SLC14A2: variants seen among roughly 807,000 people sequenced by gnomAD.
SLC14A2 encodes the protein solute carrier family 14 member 2.
In SLC14A2, 91 loss-of-function variants were observed where a neutral mutation model predicts 104.6. The ratio of observed to expected loss-of-function variants is 0.87; its 90% CI spans 0.73 to 1.04. The LOEUF is 1.04. Among genes scored for constraint, SLC14A2 ranks in the 50% least tolerant of loss-of-function variants. The pLI is 0.00. For missense variants in SLC14A2, 1,189 were observed against 1,156.0 expected (o/e 1.03, Z -0.41); for synonymous variants, 476 against 466.4 (o/e 1.02, Z -0.27).
chr18:45,545,226 T>G (rs2043951948), intron 2 of SLC14A2, among the ~76,000 whole-genome samples: 1 of 152,232 alleles, frequency 6.6e-6, no homozygotes, highest in African/African-American at 2.4e-5. Context: ...ATAAATAATA[T>G]TTTAGAATTA....
intron 4 of SLC14A2, among the ~76,000 whole-genome samples, chr18:45,628,000 CAA>C (rs58009345): frequency 0.017 from 1,440 of 83,586 alleles, 25 homozygotes; most frequent in African/African-American, 0.059. Context: ...AAGACTTTCT[CAA>C]AAAAAAAAAA....
chr18:45,404,021 T>C (rs1474320646), intron 1 of SLC14A2, among the ~76,000 whole-genome samples: 1 of 152,246 alleles, frequency 6.6e-6, no homozygotes. Flanking sequence ...TTTGTGTCTT[T>C]TATCACACTG....
intron 1 of SLC14A2, among the ~76,000 whole-genome samples, chr18:45,261,759 A>C (rs1227204816): frequency 6.6e-6 from 1 of 152,190 alleles, no homozygotes; most frequent in Non-Finnish European, 1.5e-5. Flanking sequence ...ATGGCTGCAT[A>C]GTATTCCATT....
intron 2 of SLC14A2, among the ~76,000 whole-genome samples, chr18:45,517,382 C>A (rs943250503): frequency 6.6e-6 from 1 of 152,174 alleles, no homozygotes; most frequent in African/African-American, 2.4e-5. Context: ...TCAGCCTCCC[C>A]CCTCCCAATA....
chr18:45,499,222 A>G (rs1421206), intron 2 of SLC14A2, among the ~76,000 whole-genome samples: 32,441 of 152,136 alleles, frequency 0.21, 4,260 homozygotes, highest in African/African-American at 0.37. Flanking sequence ...ATGTCATTTT[A>G]TTGATACATA....
intron 1 of SLC14A2, among the ~76,000 whole-genome samples, chr18:45,440,816 T>C (rs1568205277): frequency 6.6e-6 from 1 of 152,172 alleles, no homozygotes; most frequent in Non-Finnish European, 1.5e-5. Flanking sequence ...GCTGTTGCTA[T>C]TGTCACTTAA....
intron 19 of SLC14A2, 56 bp from the exon 20 acceptor site, chr18:45,682,263 T>G: frequency 1.3e-6 from 2 of 1,528,114 alleles, no homozygotes; most frequent in African/African-American, 1.4e-5. Context: ...TAAGGGCTGA[T>G]TAAAATGCAC....
intron 1 of SLC14A2, among the ~76,000 whole-genome samples, chr18:45,246,810 A>G (rs1396363267): frequency 6.6e-6 from 1 of 152,114 alleles, no homozygotes. Context: ...GGAGTTCGAG[A>G]CCAGCCTGGC....
At position 45,682,794 on chromosome 18, in the gene SLC14A2, T is replaced by A. The variant is rs1599179689; in HGVS notation, c.*275T>A. On this transcript the variant is annotated 3_prime_UTR_variant, in exon 20 of 20. Transcript: ENST00000255226. ...GCCCTCTTCTGCGAAATAAGCCTCA[T>A]CCTTAAAGAGAAGTCACCGGCCGGG... 1 of 385,456 alleles carries A rather than the reference T, an allele frequency of 2.6e-6. No homozygotes were observed. The highest frequency in any genetic ancestry group is 5.4e-5 in the East Asian group (1 of 18,648). 23.9% of individuals were successfully genotyped at this position (385,456 alleles called of 1,614,324 possible).
chr18:45,330,457 G>A (rs562383522), intron 1 of SLC14A2, among the ~76,000 whole-genome samples: 36 of 152,346 alleles, frequency 2.4e-4, no homozygotes, highest in African/African-American at 8.7e-4. Context: ...TTGTGTGTAA[G>A]TGATGATGGT....
At chr18:45,508,952 A>G (rs2043325759) in intron 2 of SLC14A2, among the ~76,000 whole-genome samples, 1 of 152,208 alleles carries the variant, frequency 6.6e-6, no homozygotes. Context: ...TTCATGGATA[A>G]CAATGCCAGC....
At chr18:45,230,270 T>C (rs944238333) in intron 1 of SLC14A2, among the ~76,000 whole-genome samples, 3 of 152,196 alleles carry the variant, frequency 2.0e-5, no homozygotes, top group East Asian at 1.9e-4. Context: ...AAATGTATTA[T>C]TGTAAAGTCC....
chr18:45,503,744 G>T (rs1010189724), intron 2 of SLC14A2, among the ~76,000 whole-genome samples: 1 of 143,304 alleles, frequency 7.0e-6, no homozygotes, highest in Non-Finnish European at 1.6e-5. Context: ...TTTGCTAATG[G>T]CTTAAAAATA....
At position 45,426,730 on chromosome 18, in the gene SLC14A2, C is replaced by CACAT. The variant is rs1555685829; in HGVS notation, c.-124-56495_-124-56492dup. 5.9e-3 allele frequency among the ~76,000 whole-genome samples: 885 copies of CACAT among 150,064 alleles called. 12 individuals are homozygous for CACAT. The highest frequency in any genetic ancestry group is 0.021 in the African/African-American group (844 of 40,678). On this transcript the variant is annotated intron_variant, in intron 1 of 20. Transcript: ENST00000586448. ...ACACACACACACACACACACACACA[C>CACAT]ACATACATACACGCTTAATGGAAAA... is the stretch of plus-strand genomic sequence containing the variant.
rs563127931 is a variant in SLC14A2 at position 45,325,291 on chromosome 18, T to C, written c.-125+112100T>C. Reference sequence around the variant, plus strand: ...ACCAGAAACTTTCAGGATACACAGCTTCTGAGCTGGGGAAAATGGGCAGAT... The same window carrying C: ...ACCAGAAACTTTCAGGATACACAGCCTCTGAGCTGGGGAAAATGGGCAGAT... On this transcript the variant is annotated intron_variant, in intron 1 of 20. Coordinates refer to the SLC14A2 transcript ENST00000586448. Among the ~76,000 whole-genome samples, 3 of 152,310 alleles carry C rather than the reference T, an allele frequency of 2.0e-5. No individual in the cohort carries two copies. The South Asian group carries it at 6.2e-4, about 32-fold the overall frequency.
chr18:45,198,210 G>A, the SLC14A2 span, among the ~76,000 whole-genome samples: 2 of 152,110 alleles, frequency 1.3e-5, no homozygotes, highest in Non-Finnish European at 2.9e-5. Context: ...CATAAGGTAT[G>A]CAAGGAAAAG....
At chr18:45,354,534 G>T (rs960852192) in intron 1 of SLC14A2, among the ~76,000 whole-genome samples, 1 of 152,232 alleles carries the variant, frequency 6.6e-6, no homozygotes, top group African/African-American at 2.4e-5. Context: ...GAGCAGACAA[G>T]CTTGCAAGCG....
intron 19 of SLC14A2, among the ~76,000 whole-genome samples, chr18:45,679,286 T>G (rs1484967821): frequency 6.6e-6 from 1 of 152,262 alleles, no homozygotes; most frequent in Non-Finnish European, 1.5e-5. Context: ...CATTATCTTG[T>G]AAATCAAATT....
intron 1 of SLC14A2, among the ~76,000 whole-genome samples, chr18:45,341,595 CTTT>C (rs376534367): frequency 6.0e-5 from 5 of 83,160 alleles, no homozygotes; most frequent in Admixed American, 5.1e-4. Flanking sequence ...TCTAGTATTA[CTTT>C]TTTTTTTTTT....
Sources: gnomAD v4.1 joint callset for allele counts (sites outside exome capture counted in the v4.1 genomes callset) on GRCh38, gnomAD v4.1.1 for gene constraint, MANE v1.5 for transcripts, NCBI Gene and HGNC (gene_info 2026-07-23, HGNC 2026-07-21) for gene names.